Variants in TMPRSS11F observed in about 807,000 individuals in gnomAD.
TMPRSS11F encodes transmembrane serine protease 11F.
Under a neutral mutation model 60.2 loss-of-function variants are expected in TMPRSS11F, and 47 were observed. The ratio of observed to expected loss-of-function variants is 0.78; its 90% CI spans 0.62 to 1.00. The LOEUF (loss-of-function observed/expected upper bound fraction) is 1.00, where lower values mean the gene tolerates loss of function less well. Among genes scored for constraint, TMPRSS11F ranks in the 50% least tolerant of loss-of-function variants. TMPRSS11F has a pLI of 0.00. For synonymous variants in TMPRSS11F, 166 were observed against 167.3 expected (o/e 0.99, Z 0.06); for missense variants, 519 against 522.9 (o/e 0.99, Z 0.07).
chr4:68,121,876 G>A (rs188337098), intron 1 of TMPRSS11F, among the ~76,000 whole-genome samples: 4 of 152,220 alleles, frequency 2.6e-5, no homozygotes, highest in Admixed American at 2.0e-4. Context: ...AGAGTTAATC[G>A]GTATGTTACA....
chr4:68,121,128 C>G (rs1302619848), intron 1 of TMPRSS11F, among the ~76,000 whole-genome samples: 1 of 152,212 alleles, frequency 6.6e-6, no homozygotes, highest in South Asian at 2.1e-4. Context: ...TGGATCCATA[C>G]TTCTTAGGTC....
intron 1 of TMPRSS11F, among the ~76,000 whole-genome samples, chr4:68,122,237 C>T (rs2109889883): frequency 6.6e-6 from 1 of 152,118 alleles, no homozygotes; most frequent in South Asian, 2.1e-4. Flanking sequence ...AAGTATTAAA[C>T]TTTGTGTAAA....
intron 5 of TMPRSS11F, 60 bp from the exon 6 acceptor site, chr4:68,070,067 GTTGT>G (rs1391822893): frequency 7.2e-7 from 1 of 1,393,770 alleles, no homozygotes; most frequent in African/African-American, 1.4e-5. Context: ...TTCATGTTGT[GTTGT>G]TCAACTGGTC....
chr4:68,057,091 C>T (rs955543511), intron 9 of TMPRSS11F, among the ~76,000 whole-genome samples: 3 of 151,890 alleles, frequency 2.0e-5, no homozygotes, highest in African/African-American at 7.3e-5. Context: ...TCGAGACCAG[C>T]CTGGCCAACA....
intron 1 of TMPRSS11F, among the ~76,000 whole-genome samples, chr4:68,110,481 T>C (rs879724265): frequency 1.3e-5 from 2 of 152,088 alleles, no homozygotes; most frequent in African/African-American, 2.4e-5. Flanking sequence ...AAAGTTTGTT[T>C]TGAGAGATTT....
At chr4:68,062,053 C>G (rs1723190722) in intron 8 of TMPRSS11F, 7 of 451,682 alleles carry the variant, frequency 1.5e-5, no homozygotes, top group Non-Finnish European at 3.1e-5. Flanking sequence ...GACTGAAACC[C>G]TTCGCCATTA....
chr4:68,073,957 T>A lies in TMPRSS11F; in HGVS notation c.335A>T (p.His112Leu). ...SSVGGRFIKS[H>L]VIKLSPDEQG... is the part of the protein sequence containing the mutation. ...ATTTACATACCTTAATTTGATAACA[T>A]GAGATTTGATAAATCGACCGCCTAC... The change falls in exon 4 of 10, where the codon CAT (histidine) becomes CTT (leucine). Residue 112 changes from histidine to leucine, a missense_variant. Coordinates refer to ENST00000356291, the MANE Select transcript of TMPRSS11F (RefSeq NM_207407.2). 1 of 1,578,058 alleles carries A rather than the reference T, an allele frequency of 6.3e-7. No individual in the cohort carries two copies. The highest frequency in any genetic ancestry group is 8.6e-7 in the Non-Finnish European group (1 of 1,164,190).
Position 68,059,414 on chromosome 4 carries a change from A to T in TMPRSS11F, c.1070T>A (p.Val357Glu). 1.2e-6 allele frequency: 2 copies of T among 1,613,982 alleles called. No homozygotes were observed. Among genetic ancestry groups the T allele is most frequent in the Middle Eastern group, 1.7e-4 (1 of 6,058 alleles). The part of the protein sequence containing the change: ...QARVETISTD[V>E]CNRKDVYDGL... ...ATCATACACATCCTTTCTGTTACAC[A>T]CATCAGTGCTTATGGTTTCCACTCT... The change falls in exon 9 of 10, where the codon GTG becomes GAG. Residue 357 changes from valine to glutamate, a missense_variant. By Grantham distance (121) the Val-to-Glu change is moderately radical (BLOSUM62 -2). Coordinates refer to ENST00000356291, the MANE Select transcript of TMPRSS11F (RefSeq NM_207407.2).
chr4:68,079,701 C>A (rs538861113), intron 3 of TMPRSS11F, among the ~76,000 whole-genome samples: 1 of 152,228 alleles, frequency 6.6e-6, no homozygotes, highest in Non-Finnish European at 1.5e-5. Flanking sequence ...AAGAATAGAT[C>A]ATTTTACTAG....
intron 2 of TMPRSS11F, 145 bp downstream of exon 2, chr4:68,098,742 A>G (rs1724128854): frequency 1.3e-6 from 1 of 742,094 alleles, no homozygotes; most frequent in Admixed American, 3.2e-5. Context: ...AGCTCAATAC[A>G]GAAGCAAACT....
intron 1 of TMPRSS11F, among the ~76,000 whole-genome samples, chr4:68,125,227 A>G (rs888890092): frequency 1.3e-5 from 2 of 151,596 alleles, no homozygotes; most frequent in African/African-American, 4.8e-5. Context: ...TTTATTTTAT[A>G]TAAAGTACTG....
intron 9 of TMPRSS11F, among the ~76,000 whole-genome samples, chr4:68,057,143 G>A (rs919941990): frequency 1.3e-5 from 2 of 151,934 alleles, no homozygotes; most frequent in African/African-American, 4.8e-5. Context: ...AAACTAGCCA[G>A]GCATGGTGGC....
At position 68,099,005 on chromosome 4, in the gene TMPRSS11F, T is replaced by C; in HGVS notation, c.45A>G (p.Arg15=). Residue 15 remains arginine, a synonymous_variant, in exon 2 of 10, where the codon CGA becomes CGG. Transcript: ENST00000356291. ...PVEFSEAEFS[R]AEYQRKQQFW... ...ATTGCTGCTTTCTTTGATATTCAGC[T>C]CGTGAGAATTCAGCTTCTGAAAATT... The C allele has an allele frequency of 1.2e-6, 2 of 1,612,666 alleles. No homozygotes were observed. Among genetic ancestry groups the C allele is most frequent in the Non-Finnish European group, 1.7e-6 (2 of 1,179,522 alleles).
At chr4:68,091,944 A>C (rs1723951016) in intron 2 of TMPRSS11F, among the ~76,000 whole-genome samples, 1 of 151,580 alleles carries the variant, frequency 6.6e-6, no homozygotes, top group African/African-American at 2.4e-5. Context: ...ACGCCACTAC[A>C]CCCGACTAAT....
chr4:68,104,832 C>G (rs1000254124), intron 1 of TMPRSS11F, among the ~76,000 whole-genome samples: 1 of 152,110 alleles, frequency 6.6e-6, no homozygotes, highest in African/African-American at 2.4e-5. Context: ...GTATGTTAAA[C>G]CAGCCTTGCA....
chr4:68,054,172 C>T (rs1184803980), intron 9 of TMPRSS11F, 105 bp from the exon 10 acceptor site: 1 of 963,850 alleles, frequency 1.0e-6, no homozygotes, highest in Admixed American at 2.4e-5. Flanking sequence ...ACACAGACCA[C>T]AGCCAGACTA....
intron 1 of TMPRSS11F, among the ~76,000 whole-genome samples, chr4:68,119,284 GA>G (rs1724580004): frequency 6.6e-6 from 1 of 152,092 alleles, no homozygotes; most frequent in Non-Finnish European, 1.5e-5. Flanking sequence ...TTTAAGGAAA[GA>G]AACCATTTTC....
At chr4:68,098,764 T>A (rs961671871) in intron 2 of TMPRSS11F, 123 bp downstream of exon 2, 1 of 881,544 alleles carries the variant, frequency 1.1e-6, no homozygotes, top group Middle Eastern at 2.3e-4. Flanking sequence ...TAATTTAACA[T>A]CAGTAAAAGA....
chr4:68,065,576 C>A (rs1723309090), intron 7 of TMPRSS11F, among the ~76,000 whole-genome samples: 1 of 152,104 alleles, frequency 6.6e-6, no homozygotes, highest in African/African-American at 2.4e-5. Context: ...TTTTCTCTCC[C>A]ACAAGGTTTA....
Sources: gnomAD v4.1 joint callset for allele counts (sites outside exome capture counted in the v4.1 genomes callset) on GRCh38, gnomAD v4.1.1 for gene constraint, MANE v1.5 for transcripts, NCBI Gene and HGNC (gene_info 2026-07-23, HGNC 2026-07-21) for gene names.